DUOX1: variants seen among roughly 807,000 people sequenced by gnomAD.
DUOX1 encodes the protein dual oxidase 1.
In DUOX1, 134 loss-of-function variants were observed where a neutral mutation model predicts 181.8. That is an observed-to-expected ratio of 0.74 (90% CI 0.64 to 0.85). The LOEUF (loss-of-function observed/expected upper bound fraction) is 0.85, where lower values mean the gene tolerates loss of function less well. Among genes scored for constraint, DUOX1 ranks in the 40% least tolerant of loss-of-function variants. DUOX1 has a pLI of 0.00. For missense variants in DUOX1, 1,814 were observed against 2,064.4 expected (o/e 0.88, Z 2.35); for synonymous variants, 798 against 832.5 (o/e 0.96, Z 0.71).
chr15:45,150,815 A>G (rs774698354), intron 22 of DUOX1, 114 bp downstream of exon 22: 15 of 987,942 alleles, frequency 1.5e-5, no homozygotes, highest in Non-Finnish European at 2.3e-5. Context: ...CAAACAAATT[A>G]GAAAAGGACA....
chr15:45,163,485 G>T, intron 31 of DUOX1, 47 bp from the exon 32 acceptor site: 1 of 1,610,856 alleles, frequency 6.2e-7, no homozygotes, highest in Non-Finnish European at 8.5e-7. Context: ...TGGGGTTTAG[G>T]GAGACTGAGC....
At chr15:45,131,816 G>A in intron 1 of DUOX1, 102 bp from the exon 2 acceptor site, 1 of 787,586 alleles carries the variant, frequency 1.3e-6, no homozygotes. Flanking sequence ...TACCTACTGT[G>A]ACCTTGGCCC....
intron 23 of DUOX1, 79 bp from the exon 24 acceptor site, chr15:45,151,795 G>T: frequency 2.7e-6 from 4 of 1,460,238 alleles, no homozygotes; most frequent in Non-Finnish European, 3.7e-6. Flanking sequence ...CTTCTGGGCG[G>T]CTCACCTCCG....
intron 31 of DUOX1, among the ~76,000 whole-genome samples, chr15:45,162,911 GGCCCCT>G (rs1386966680): frequency 2.0e-5 from 3 of 152,234 alleles, no homozygotes; most frequent in Non-Finnish European, 2.9e-5. Flanking sequence ...CCTGGTGGCA[GGCCCCT>G]GCTCGTTTCT....
chr15:45,131,768 A>G, intron 1 of DUOX1, 150 bp from the exon 2 acceptor site: 3 of 609,164 alleles, frequency 4.9e-6, no homozygotes. Flanking sequence ...CGAATCAATT[A>G]AAGAATTTTC....
At chr15:45,147,853 G>A (rs779273694) in intron 19 of DUOX1, 51 bp from the exon 20 acceptor site, 3 of 1,553,324 alleles carry the variant, frequency 1.9e-6, no homozygotes, top group African/African-American at 1.4e-5. Flanking sequence ...CCAGCCTGGG[G>A]GTTCAGGCAG....
At position 45,155,788 on chromosome 15, in the gene DUOX1, T is replaced by C. The variant is rs1304063864; in HGVS notation, c.3575-14T>C. On this transcript the variant is annotated splice_polypyrimidine_tract_variant and intron_variant, in intron 27 of 33. Transcript: ENST00000389037. ...CACTGATCTTCTGCCTTCCACCCTA[T>C]ATTCATTTTGCAGGCCTCACGGGGG... 6.2e-7 allele frequency: 1 copy of C among 1,613,316 alleles called. No individual in the cohort carries two copies. Among genetic ancestry groups the C allele is most frequent in the Admixed American group, 1.7e-5 (1 of 60,014 alleles).
At chr15:45,145,594 G>A (rs555875210) in intron 18 of DUOX1, among the ~76,000 whole-genome samples, 3 of 152,298 alleles carry the variant, frequency 2.0e-5, no homozygotes, top group East Asian at 3.9e-4. Flanking sequence ...CTGGGAGCAG[G>A]GTAGTGGAGT....
Position 45,151,933 on chromosome 15 carries a change from G to C in DUOX1, c.3074G>C (p.Ser1025Thr). 2 of 1,614,006 alleles carry C rather than the reference G, an allele frequency of 1.2e-6. No individual in the cohort carries two copies. Among genetic ancestry groups the C allele is most frequent in the South Asian group, 1.1e-5 (1 of 91,078 alleles). Residue 1025 changes from serine (S) to threonine (T), a missense_variant, in exon 24 of 34, where the codon AGC (serine) becomes ACC (threonine). Transcript: ENST00000389037. ...TEAHREKFQR[S>T]CLHQTVQQFK... Reference sequence around the variant, plus strand: ...GCGCACCGAGAGAAGTTCCAACGCAGCTGTCTCCACCAGACGGTGCAACAG... The same window carrying C: ...GCGCACCGAGAGAAGTTCCAACGCACCTGTCTCCACCAGACGGTGCAACAG...
chr15:45,151,932 A>C lies in DUOX1; in HGVS notation c.3073A>C (p.Ser1025Arg). ...GGCGCACCGAGAGAAGTTCCAACGC[A>C]GCTGTCTCCACCAGACGGTGCAACA... The part of the protein sequence containing the change: ...TEAHREKFQR[S>R]CLHQTVQQFK... Residue 1025 changes from serine (S) to arginine (R), a missense_variant, in exon 24 of 34, where the codon AGC becomes CGC. By Grantham distance (110) the Ser-to-Arg change is moderately radical. Transcript: ENST00000389037. 5.6e-6 allele frequency: 9 copies of C among 1,613,796 alleles called. No homozygotes were observed. The highest frequency in any genetic ancestry group is 7.6e-6 in the Non-Finnish European group (9 of 1,179,932).
rs568932337 is a variant in DUOX1, at chr15:45,136,607, C to T, written c.1004C>T (p.Pro335Leu). The change falls in exon 9 of 34, where the codon CCC becomes CTC. Residue 335 changes from proline to leucine, a missense_variant. By Grantham distance (98) the Pro-to-Leu change is moderately conservative. Transcript: ENST00000389037. ...GAGCAGTTCCTGTCCACCATGGTGC[C>T]CCCTGGCGTCTACATGAGGTGAGGG... ...ASEQFLSTMV[P>L]PGVYMRNASC... 1 of 1,614,050 alleles carries T rather than the reference C, an allele frequency of 6.2e-7. No individual in the cohort carries two copies. The highest frequency in any genetic ancestry group is 2.2e-5 in the East Asian group (1 of 44,874).
intron 27 of DUOX1, 162 bp from the exon 28 acceptor site, chr15:45,155,640 G>A: frequency 1.2e-6 from 1 of 866,270 alleles, no homozygotes; most frequent in South Asian, 1.7e-5. Context: ...GAAATGAAAG[G>A]TACCTGTGAT....
rs199987152 is a variant in DUOX1 at position 45,139,185 on chromosome 15, C to T, written c.1216+17C>T. 191 of 1,614,078 alleles carry T rather than the reference C, an allele frequency of 1.2e-4. 2 individuals carry two copies. The East Asian group carries it at 4.1e-3, about 35-fold the overall frequency. On this transcript the variant is annotated intron_variant, in intron 11 of 33. Coordinates refer to ENST00000389037, the MANE Select transcript of DUOX1 (RefSeq NM_175940.3). ...ATGTGCGGGGTGAGTCTGAGGCTGT[C>T]CCTGCAGGTTGTGAACTCCTGGCCT...
In DUOX1 at chr15:45,136,590, C is replaced by G. The variant is rs756758466; in HGVS notation, c.987C>G (p.Phe329Leu). ...AGTTCGTGGCGGCCTCTGAGCAGTT[C>G]CTGTCCACCATGGTGCCCCCTGGCG... ...SSEFVAASEQFLSTMVPPGVY... is the reference protein window; with the variant it reads ...SSEFVAASEQLLSTMVPPGVY... Residue 329 changes from phenylalanine (F) to leucine (L), a missense_variant, in exon 9 of 34, where the codon TTC becomes TTG. Coordinates refer to ENST00000389037, the MANE Select transcript of DUOX1 (RefSeq NM_175940.3). 2.5e-6 allele frequency: 4 copies of G among 1,614,104 alleles called. No individual in the cohort carries two copies. The highest frequency in any genetic ancestry group is 3.4e-6 in the Non-Finnish European group (4 of 1,180,028).
chr15:45,148,412 A>G lies in DUOX1; in HGVS notation c.2783A>G (p.Asn928Ser), dbSNP rs759854809. The change falls in exon 21 of 34, where the codon AAT (asparagine) becomes AGT (serine). Residue 928 changes from asparagine to serine, a missense_variant. Asn to Ser is a conservative substitution (Grantham distance 46). Coordinates refer to ENST00000389037, the MANE Select transcript of DUOX1 (RefSeq NM_175940.3). ...TTTCACTTCATGCTGCGGGACCACA[A>G]TAGCGAGCTCCGCTTCACGCAGCTC... ...EDFHFMLRDH[N>S]SELRFTQLCV... The G allele has an allele frequency of 1.1e-5, 17 of 1,614,156 alleles. No homozygotes were observed. The highest frequency in any genetic ancestry group is 1.4e-5 in the Non-Finnish European group (17 of 1,180,006).
intron 4 of DUOX1, among the ~76,000 whole-genome samples, chr15:45,134,799 T>G (rs1264256645): frequency 6.6e-6 from 1 of 152,136 alleles, no homozygotes; most frequent in African/African-American, 2.4e-5. Flanking sequence ...CAGGAATGCC[T>G]GGCTCCTGCT....
Position 45,152,269 on chromosome 15 carries a change from C to G in DUOX1, c.3194-17C>G. ...TCTGCACTGACCCTCGCTTGCCTGCCTGGGCCCCCTCCACAGACTACGCCT... is the reference window on the plus strand; with the variant it reads ...TCTGCACTGACCCTCGCTTGCCTGCGTGGGCCCCCTCCACAGACTACGCCT... On this transcript the variant is annotated splice_polypyrimidine_tract_variant and intron_variant, in intron 24 of 33. Transcript: ENST00000389037. The G allele has an allele frequency of 6.2e-7, 1 of 1,609,002 alleles. No homozygotes were observed. Among genetic ancestry groups the G allele is most frequent in the Non-Finnish European group, 8.5e-7 (1 of 1,176,804 alleles).
In DUOX1 at chr15:45,144,124, C is replaced by T. The variant is rs539173401; in HGVS notation, c.2025C>T (p.Leu675=). 3.1e-4 allele frequency: 507 copies of T among 1,614,040 alleles called. 4 individuals carry two copies. In the South Asian group the frequency reaches 5.2e-3, roughly 16 times the overall value. ...AGATCCGTGTGGTAGATGGCAGGCTCACCGTGCTCCGCACCATCCAGCTGC... is the reference window on the plus strand; with the variant it reads ...AGATCCGTGTGGTAGATGGCAGGCTTACCGTGCTCCGCACCATCCAGCTGC... ...PGQIRVVDGR[L]TVLRTIQLQP... is the part of the protein sequence containing the mutation. Residue 675 remains leucine (L), a synonymous_variant, in exon 17 of 34, where the codon CTC becomes CTT. Transcript: ENST00000389037.
At position 45,142,834 on chromosome 15, in the gene DUOX1, C is replaced by T. The variant is rs569067071; in HGVS notation, c.1823-356C>T. Among the ~76,000 whole-genome samples, 41 of 144,246 alleles carry T rather than the reference C, an allele frequency of 2.8e-4. 1 individual carries two copies. In the South Asian group the frequency reaches 8.0e-3, roughly 28 times the overall value. 94.6% of individuals were successfully genotyped at this position (144,246 alleles called of 152,430 possible). A position where few individuals can be genotyped will look rare whatever the true frequency, so the allele number is the denominator to read the frequency against. ...AAGAGCAGGCTGGGGCAGACATAGT[C>T]GCTGGAGTGAGGGCTTGGGGCTTAG... On this transcript the variant is annotated intron_variant, in intron 15 of 33. Coordinates refer to ENST00000389037, the MANE Select transcript of DUOX1 (RefSeq NM_175940.3).
Sources: allele counts gnomAD v4.1 joint callset (sites outside exome capture counted in the v4.1 genomes callset), GRCh38; gene constraint gnomAD v4.1.1; transcripts MANE v1.5; gene names NCBI Gene and HGNC (gene_info 2026-07-23, HGNC 2026-07-21).